The following VAPA variants were observed in gnomAD, a reference collection of about 807,000 sequenced individuals.
VAPA encodes the protein VAMP associated protein A, also known as vesicle-associated membrane protein-associated protein A.
Under a neutral mutation model 25.6 loss-of-function variants are expected in VAPA, and 6 were observed. The ratio of observed to expected loss-of-function variants is 0.23; its 90% CI spans 0.13 to 0.46. The LOEUF is 0.46. Among genes scored for constraint, VAPA ranks in the 20% least tolerant of loss-of-function variants. The probability of loss-of-function intolerance (pLI) is 0.99; values close to 1 mark genes in which losing one functional copy is unlikely to be tolerated. For synonymous variants in VAPA, 112 were observed against 106.2 expected (o/e 1.05, Z -0.34); for missense variants, 244 against 302.1 (o/e 0.81, Z 1.43).
At chr18:9,918,987 ACCT>A (rs2069135401) in intron 1 of VAPA, among the ~76,000 whole-genome samples, 1 of 152,068 alleles carries the variant, frequency 6.6e-6, no homozygotes, top group Non-Finnish European at 1.5e-5. Flanking sequence ...TGCAGCCGTG[ACCT>A]CCTGGGCTCA....
At chr18:9,925,583 G>A (rs1194684607) in intron 1 of VAPA, among the ~76,000 whole-genome samples, 2 of 151,998 alleles carry the variant, frequency 1.3e-5, no homozygotes, top group Non-Finnish European at 2.9e-5. Context: ...TGGGGATACA[G>A]CAGCTAACGA....
chr18:9,951,525 G>T (rs2069490203), intron 5 of VAPA, among the ~76,000 whole-genome samples: 1 of 152,356 alleles, frequency 6.6e-6, no homozygotes, highest in African/African-American at 2.4e-5. Context: ...GCATGTGGTA[G>T]TCATTCATGT....
chr18:9,937,279 T>G (rs1356400672), intron 4 of VAPA, among the ~76,000 whole-genome samples: 1 of 150,976 alleles, frequency 6.6e-6, no homozygotes, highest in African/African-American at 2.4e-5. Context: ...AAGACTCACT[T>G]TTAGGTCAAG....
At chr18:9,934,987 C>T (rs905418456) in intron 2 of VAPA, among the ~76,000 whole-genome samples, 6 of 148,720 alleles carry the variant, frequency 4.0e-5, no homozygotes, top group African/African-American at 1.5e-4. Flanking sequence ...CCCAGCTACT[C>T]GGGAGGCTGA....
Position 9,954,187 on chromosome 18 carries a change from C to CT in VAPA, c.729dup (p.Leu244SerfsTer9). 1 of 1,612,182 alleles carries CT rather than the reference C, an allele frequency of 6.2e-7. No homozygotes were observed. The highest frequency in any genetic ancestry group is 8.5e-7 in the Non-Finnish European group (1 of 1,179,084). ...TAATTGCAGCCATTTTCATTGGATT[C>CT]TTTCTAGGGAAATTCATCTTGTAGA... On this transcript the variant is annotated frameshift_variant, in exon 6 of 6. Transcript: ENST00000400000. LOFTEE classifies it high-confidence loss of function.
intron 4 of VAPA, among the ~76,000 whole-genome samples, chr18:9,945,619 C>T (rs2069415008): frequency 6.6e-6 from 1 of 152,098 alleles, no homozygotes; most frequent in African/African-American, 2.4e-5. Context: ...CTGCCTTGGC[C>T]TCCCAAAGTC....
chr18:9,929,811 G>A (rs1457788134), intron 1 of VAPA, among the ~76,000 whole-genome samples: 1 of 152,170 alleles, frequency 6.6e-6, no homozygotes, highest in Non-Finnish European at 1.5e-5. Flanking sequence ...CAGTAGTTAA[G>A]TGGGTTTATT....
chr18:9,958,196 C>G lies in VAPA; in HGVS notation c.*3985C>G, dbSNP rs964473348. 4 of 152,114 alleles carry G rather than the reference C, an allele frequency of 2.6e-5. No individual in the cohort carries two copies. The highest frequency in any genetic ancestry group is 9.7e-5 in the African/African-American group (4 of 41,418). The allele number at this position is 152,114 out of a possible 1,614,324, so 9.4% of individuals were successfully genotyped here. ...TAAGTTGTATCCTATTTTTTTCCAG[C>G]TTAATTTCTGTGGTTTATTGAAAAC... is the stretch of plus-strand genomic sequence containing the variant. On this transcript the variant is annotated 3_prime_UTR_variant, in exon 6 of 6. Coordinates refer to ENST00000400000, the MANE Select transcript of VAPA (RefSeq NM_194434.3).
intron 4 of VAPA, chr18:9,948,909 A>G (rs535123492): frequency 6.6e-6 from 1 of 152,292 alleles, no homozygotes; most frequent in African/African-American, 2.4e-5. Context: ...TGAGTATGAT[A>G]CTTTTTCCCA....
At chr18:9,935,484 G>A (rs79111718) in intron 2 of VAPA, among the ~76,000 whole-genome samples, 7,729 of 152,238 alleles carry the variant, frequency 0.051, 257 homozygotes, top group South Asian at 0.14. Flanking sequence ...TGAAGTGGGA[G>A]GATTGCCTGA....
chr18:9,937,713 A>G (rs1320614864), intron 4 of VAPA, among the ~76,000 whole-genome samples: 3 of 152,120 alleles, frequency 2.0e-5, no homozygotes, highest in Non-Finnish European at 4.4e-5. Flanking sequence ...ATCTTTTCCT[A>G]TGGTGAGAGA....
At chr18:9,936,941 T>C in intron 3 of VAPA, 45 bp from the exon 4 acceptor site, 1 of 1,568,872 alleles carries the variant, frequency 6.4e-7, no homozygotes, top group South Asian at 1.1e-5. Flanking sequence ...TTACTTACCA[T>C]GATCATACCT....
intron 1 of VAPA, among the ~76,000 whole-genome samples, chr18:9,921,197 C>G (rs530059934): frequency 6.6e-6 from 1 of 152,280 alleles, no homozygotes; most frequent in South Asian, 2.1e-4. Flanking sequence ...TGGATCTTGA[C>G]TCAGTTGGAG....
intron 1 of VAPA, among the ~76,000 whole-genome samples, chr18:9,927,372 G>A (rs1035413051): frequency 3.9e-5 from 6 of 151,964 alleles, no homozygotes; most frequent in Admixed American, 1.3e-4. Flanking sequence ...GATTCTCTTT[G>A]CAGCTGAACT....
intron 1 of VAPA, among the ~76,000 whole-genome samples, chr18:9,922,817 A>G (rs1449712744): frequency 6.6e-6 from 1 of 151,994 alleles, no homozygotes; most frequent in Non-Finnish European, 1.5e-5. Context: ...GTTATACTTC[A>G]TTTCCTGTGC....
intron 2 of VAPA, among the ~76,000 whole-genome samples, chr18:9,935,281 C>T (rs1490019419): frequency 2.6e-5 from 4 of 151,678 alleles, no homozygotes; most frequent in Non-Finnish European, 5.9e-5. Context: ...TATATTAAAA[C>T]AATATATGGG....
chr18:9,928,246 A>G (rs1487948051), intron 1 of VAPA, among the ~76,000 whole-genome samples: 1 of 152,140 alleles, frequency 6.6e-6, no homozygotes, highest in Non-Finnish European at 1.5e-5. Flanking sequence ...ACTGCTTTTC[A>G]CTGTTTTTTC....
chr18:9,932,956 A>C (rs957639677), intron 2 of VAPA, among the ~76,000 whole-genome samples: 1 of 152,034 alleles, frequency 6.6e-6, no homozygotes, highest in African/African-American at 2.4e-5. Flanking sequence ...AAAATACAAA[A>C]AATTAGTCGG....
intron 4 of VAPA, among the ~76,000 whole-genome samples, chr18:9,941,011 G>C (rs542854472): frequency 9.2e-5 from 14 of 152,268 alleles, no homozygotes; most frequent in African/African-American, 3.4e-4. Context: ...TCTGTAGACA[G>C]GTGAGCTTGG....
Sources: gnomAD v4.1 joint callset for allele counts (sites outside exome capture counted in the v4.1 genomes callset) on GRCh38, gnomAD v4.1.1 for gene constraint, MANE v1.5 for transcripts, NCBI Gene and HGNC (gene_info 2026-07-23, HGNC 2026-07-21) for gene names.